GABRA6: variants seen among roughly 807,000 people sequenced by gnomAD.
GABRA6 encodes the protein gamma-aminobutyric acid type A receptor subunit alpha6.
In GABRA6, 45 loss-of-function variants were observed where a neutral mutation model predicts 47.3. The observed-to-expected ratio is 0.95, with a 90% CI of 0.75 to 1.22. The LOEUF (loss-of-function observed/expected upper bound fraction) is 1.22. GABRA6 is among the 50% of genes most tolerant of loss of function. The pLI is 0.00. For synonymous variants in GABRA6, 219 were observed against 194.7 expected, an observed-to-expected ratio of 1.12 and a Z score of -1.04; for missense variants, 583 against 549.3, an observed-to-expected ratio of 1.06 and a Z score of -0.61.
In GABRA6 at chr5:161,689,323, C is replaced by G. The variant is rs139264126; in HGVS notation, c.516C>G (p.Leu172=). The G allele has an allele frequency of 9.3e-6, 15 of 1,613,752 alleles. No homozygotes were observed. The highest frequency in any genetic ancestry group is 2.2e-5 in the East Asian group (1 of 44,866). ...CTATGGATGGGCATGCTTGTCCACTCAAGTTTGGGAGCTGTAAGTTACAAC... is the reference window on the plus strand; with the variant it reads ...CTATGGATGGGCATGCTTGTCCACTGAAGTTTGGGAGCTGTAAGTTACAAC... ...NFPMDGHACP[L]KFGSYAYPKS... Residue 172 remains leucine, a synonymous_variant, in exon 5 of 9, where the codon CTC becomes CTG. Transcript: ENST00000274545.
intron 8 of GABRA6, among the ~76,000 whole-genome samples, chr5:161,693,032 C>T (rs1042456122): frequency 2.0e-5 from 3 of 152,030 alleles, no homozygotes; most frequent in Admixed American, 2.0e-4. Context: ...TAAAGAGTAG[C>T]TGTTAGAAGA....
intron 2 of GABRA6, 43 bp downstream of exon 2, chr5:161,686,391 T>C (rs1434936763): frequency 1.4e-6 from 2 of 1,440,134 alleles, no homozygotes; most frequent in Middle Eastern, 3.5e-4. Flanking sequence ...TGTAGTTTCC[T>C]TCCTCCGTTT....
At chr5:161,691,812 C>CA (rs1754797126) in intron 7 of GABRA6, 129 bp from the exon 8 acceptor site, 3 of 778,406 alleles carry the variant, frequency 3.9e-6, no homozygotes, top group Non-Finnish European at 6.5e-6. Context: ...AATTATAATA[C>CA]AAAAAATATT....
Position 161,692,618 on chromosome 5 carries a change from C to A in GABRA6, c.1086+418C>A, listed in dbSNP as rs567847413. ...GGAATGGACAATTTTTGTTATAAATCTGCTTGCTGCTTTATTTCAAGAGGG... is the reference window on the plus strand; with the variant it reads ...GGAATGGACAATTTTTGTTATAAATATGCTTGCTGCTTTATTTCAAGAGGG... On this transcript the variant is annotated intron_variant, in intron 8 of 8. Coordinates refer to ENST00000274545, the MANE Select transcript of GABRA6 (RefSeq NM_000811.3). 5.9e-3 allele frequency among the ~76,000 whole-genome samples: 894 copies of A among 152,258 alleles called. 7 individuals carry two copies. The highest frequency in any genetic ancestry group is 0.019 in the African/African-American group (798 of 41,550).
chr5:161,695,443 A>G (rs554630936), intron 8 of GABRA6, among the ~76,000 whole-genome samples: 4 of 152,118 alleles, frequency 2.6e-5, no homozygotes, highest in African/African-American at 7.2e-5. Context: ...GTTTTTATCT[A>G]GCATGCTACC....
chr5:161,686,219 T>A lies in GABRA6; in HGVS notation c.39-11T>A, dbSNP rs1402268339. The A allele has an allele frequency of 6.3e-7, 1 of 1,591,790 alleles. No individual in the cohort carries two copies. The highest frequency in any genetic ancestry group is 8.6e-7 in the Non-Finnish European group (1 of 1,159,630). On this transcript the variant is annotated splice_polypyrimidine_tract_variant and intron_variant, in intron 1 of 8. Coordinates refer to ENST00000274545, the MANE Select transcript of GABRA6 (RefSeq NM_000811.3). Reference sequence around the variant, plus strand: ...GCCTGGGAGTAAGGATCATTGACTGTCTACACACAGGCTAGAAAATGCCCT... The same window carrying A: ...GCCTGGGAGTAAGGATCATTGACTGACTACACACAGGCTAGAAAATGCCCT...
intron 8 of GABRA6, among the ~76,000 whole-genome samples, chr5:161,696,151 C>T (rs1188737572): frequency 1.3e-5 from 2 of 152,118 alleles, no homozygotes; most frequent in Non-Finnish European, 2.9e-5. Context: ...AAGAAATTAG[C>T]CTGGCTCTGT....
In GABRA6 at chr5:161,689,667, G is replaced by A. The variant is rs200710979; in HGVS notation, c.561G>A (p.Thr187=). ...ATCCCAAAAGTGAAATCATATATAC[G>A]TGGAAAAAAGGACCACTTTACTCAG... The part of the protein sequence containing the change: ...YAYPKSEIIY[T]WKKGPLYSVE... Residue 187 remains threonine (T), a synonymous_variant, in exon 6 of 9, where the codon ACG becomes ACA. Coordinates refer to ENST00000274545, the MANE Select transcript of GABRA6 (RefSeq NM_000811.3). 32 of 1,609,276 alleles carry A rather than the reference G, an allele frequency of 2.0e-5. No homozygotes were observed. In the South Asian group the frequency reaches 2.2e-4, roughly 11 times the overall value.
chr5:161,687,619 T>C, intron 3 of GABRA6: 1 of 437,852 alleles, frequency 2.3e-6, no homozygotes, highest in South Asian at 1.6e-5. Context: ...CATGGTATTC[T>C]TTTACGGTTC....
intron 3 of GABRA6, chr5:161,687,360 T>C: frequency 2.6e-6 from 1 of 378,480 alleles, no homozygotes; most frequent in Non-Finnish European, 5.1e-6. Flanking sequence ...CATATAAAAG[T>C]TTATTGAGTA....
chr5:161,697,874 G>A (rs1365553131), intron 8 of GABRA6, among the ~76,000 whole-genome samples: 2 of 152,228 alleles, frequency 1.3e-5, no homozygotes, highest in South Asian at 2.1e-4. Context: ...TTAAGCCTAC[G>A]TTTGCTCATC....
Position 161,696,937 on chromosome 5 carries a change from C to T in GABRA6, c.1087-4561C>T, listed in dbSNP as rs139646975. ...AGTAAGGCAGCCCTGGTTAGAATAT[C>T]GTTTTAAATGGTGGGGGTGATAGGT... On this transcript the variant is annotated intron_variant, in intron 8 of 8. Coordinates refer to ENST00000274545, the MANE Select transcript of GABRA6 (RefSeq NM_000811.3). Among the ~76,000 whole-genome samples the T allele has an allele frequency of 4.2e-3, 637 of 152,278 alleles. 10 individuals carry two copies. The highest frequency in any genetic ancestry group is 0.015 in the African/African-American group (604 of 41,556).
intron 7 of GABRA6, 134 bp from the exon 8 acceptor site, chr5:161,691,807 T>C (rs1288853589): frequency 2.7e-6 from 2 of 753,630 alleles, no homozygotes; most frequent in Non-Finnish European, 4.5e-6. Context: ...TGAACAATTA[T>C]AATACAAAAA....
rs762641304 is a variant in GABRA6 at position 161,692,021 on chromosome 5, A to G, written c.907A>G (p.Met303Val). 1.2e-6 allele frequency: 2 copies of G among 1,614,030 alleles called. No individual in the cohort carries two copies. Among genetic ancestry groups the G allele is most frequent in the African/African-American group, 2.7e-5 (2 of 74,936 alleles). Residue 303 changes from methionine to valine, a missense_variant, in exon 8 of 9, where the codon ATG (methionine) becomes GTG (valine). Met to Val is a conservative substitution (Grantham distance 21, BLOSUM62 1). Coordinates refer to ENST00000274545, the MANE Select transcript of GABRA6 (RefSeq NM_000811.3). ...GCCAAAAGTGTCATATGCCACTGCC[A>G]TGGATTGGTTCATAGCTGTTTGCTT... ...SLPKVSYATA[M>V]DWFIAVCFAF...
rs747249350 is a variant in GABRA6 at position 161,692,176 on chromosome 5, A to G, written c.1062A>G (p.Glu354=). 9.9e-6 allele frequency: 16 copies of G among 1,614,096 alleles called. No individual in the cohort carries two copies. The East Asian group carries it at 1.8e-4, about 18-fold the overall frequency. ...PPTVTISKAT[E]PLEAEIVLHP... ...CAGTGACAATATCAAAAGCTACTGA[A>G]CCTTTGGAAGCTGAGATTGTTTTGG... is the stretch of plus-strand genomic sequence containing the variant. The change falls in exon 8 of 9, where the codon GAA becomes GAG. Residue 354 remains glutamate, a synonymous_variant. Transcript: ENST00000274545.
chr5:161,689,594 C>T (rs547453071), intron 5 of GABRA6, 42 bp from the exon 6 acceptor site: 22 of 1,540,874 alleles, frequency 1.4e-5, no homozygotes, highest in Non-Finnish European at 2.0e-5. Context: ...AAAGACAACT[C>T]GTCAAATTCA....
chr5:161,698,542 G>GTA lies in GABRA6; in HGVS notation c.1087-2947_1087-2946dup, dbSNP rs566505640. Among the ~76,000 whole-genome samples, 321 of 151,900 alleles carry GTA rather than the reference G, an allele frequency of 2.1e-3. 1 individual carries two copies. Among genetic ancestry groups the GTA allele is most frequent in the Admixed American group, 4.1e-3 (63 of 15,240 alleles). On this transcript the variant is annotated intron_variant, in intron 8 of 8. Coordinates refer to ENST00000274545, the MANE Select transcript of GABRA6 (RefSeq NM_000811.3). ...AAAAAATATGTACATATGTATATGT[G>GTA]TATATATATACACATATATATGTTT...
At chr5:161,700,132 T>G (rs568520772) in intron 8 of GABRA6, among the ~76,000 whole-genome samples, 13 of 152,318 alleles carry the variant, frequency 8.5e-5, no homozygotes, top group African/African-American at 2.4e-4. Context: ...TTTTGGGAGT[T>G]GTTGTCCCTT....
At chr5:161,688,297 C>T (rs374729664) in intron 3 of GABRA6, among the ~76,000 whole-genome samples, 1 of 152,096 alleles carries the variant, frequency 6.6e-6, no homozygotes, top group African/African-American at 2.4e-5. Flanking sequence ...TTGACTTTTG[C>T]AATAGCTCTT....
Sources: allele counts gnomAD v4.1 joint callset (sites outside exome capture counted in the v4.1 genomes callset), GRCh38; gene constraint gnomAD v4.1.1; transcripts MANE v1.5; gene names NCBI Gene and HGNC (gene_info 2026-07-23, HGNC 2026-07-21).